CNTLN: variants seen among roughly 807,000 people sequenced by gnomAD.
CNTLN encodes centlein, also known as centlein, centrosomal protein.
A neutral mutation model predicts 180.0 loss-of-function variants in CNTLN; 212 were observed. That is an observed-to-expected ratio of 1.18 (90% CI 1.05 to 1.32). The LOEUF is 1.32. Among genes scored for constraint, CNTLN ranks in the 40% most tolerant of loss-of-function variants. The probability of loss-of-function intolerance (pLI) is 0.00; values close to 1 mark genes in which losing one functional copy is unlikely to be tolerated. For synonymous variants in CNTLN, 722 were observed against 563.1 expected, an observed-to-expected ratio of 1.28 and a Z score of -3.99; for missense variants, 2,095 against 1,610.9, an observed-to-expected ratio of 1.30 and a Z score of -5.14.
chr9:17,228,586 G>A (rs1269413263), intron 3 of CNTLN, among the ~76,000 whole-genome samples: 1 of 152,024 alleles, frequency 6.6e-6, no homozygotes, highest in African/African-American at 2.4e-5. Context: ...ATAGAAGTAA[G>A]GTGGAAATTG....
At chr9:17,526,168 C>G in the CNTLN span, among the ~76,000 whole-genome samples, 1 of 152,238 alleles carries the variant, frequency 6.6e-6, no homozygotes, top group African/African-American at 2.4e-5. Context: ...ATCTCCTGAC[C>G]TTGTGATCCA....
chr9:17,237,870 C>T (rs1460432529), intron 5 of CNTLN, among the ~76,000 whole-genome samples: 1 of 152,026 alleles, frequency 6.6e-6, no homozygotes, highest in African/African-American at 2.4e-5. Context: ...AGTGCACAAT[C>T]ATGGGGTGAC....
At chr9:17,442,478 A>C (rs1588004528) in intron 18 of CNTLN, among the ~76,000 whole-genome samples, 1 of 152,086 alleles carries the variant, frequency 6.6e-6, no homozygotes, top group Non-Finnish European at 1.5e-5. Flanking sequence ...AGCTCACTGC[A>C]CCCTGCACCT....
chr9:17,418,638 T>A (rs1564089635), intron 18 of CNTLN, among the ~76,000 whole-genome samples: 4 of 152,018 alleles, frequency 2.6e-5, no homozygotes. Flanking sequence ...CGGTAAATAT[T>A]CTAATTTAAT....
the CNTLN span, among the ~76,000 whole-genome samples, chr9:17,513,283 T>C: frequency 6.6e-6 from 1 of 152,168 alleles, no homozygotes; most frequent in African/African-American, 2.4e-5. Context: ...GAATACTTTT[T>C]TTTTTTAATC....
Position 17,466,687 on chromosome 9 carries a change from G to C in CNTLN, c.3670-19G>C. On this transcript the variant is annotated intron_variant, in intron 22 of 25. Transcript: ENST00000380647. ...GTTTATAAAATATCTTTTATTTTAT[G>C]ACTGCTGATCTTTTGCAGGATCTCA... 6.3e-7 allele frequency: 1 copy of C among 1,584,190 alleles called. No individual in the cohort carries two copies. The highest frequency in any genetic ancestry group is 8.6e-7 in the Non-Finnish European group (1 of 1,165,868).
Position 17,400,222 on chromosome 9 carries a change from C to T in CNTLN, c.2615+5153C>T, listed in dbSNP as rs191249391. On this transcript the variant is annotated intron_variant, in intron 15 of 25. Transcript: ENST00000380647. ...GCGTGGTCTCGGCTCACTGCAATCT[C>T]CATCTCCCAGGTTCAAGCGATTCTC... Among the ~76,000 whole-genome samples the T allele has an allele frequency of 7.8e-3, 1,187 of 152,250 alleles. 9 individuals are homozygous for T. The highest frequency in any genetic ancestry group is 0.013 in the Non-Finnish European group (901 of 68,018).
chr9:17,340,711 A>G, intron 10 of CNTLN, 116 bp from the exon 11 acceptor site: 1 of 758,100 alleles, frequency 1.3e-6, no homozygotes, highest in Non-Finnish European at 1.9e-6. Context: ...AGATTCATTT[A>G]TGTTTACACA....
intron 5 of CNTLN, among the ~76,000 whole-genome samples, chr9:17,258,168 A>C (rs1249182555): frequency 1.4e-5 from 2 of 146,222 alleles, no homozygotes; most frequent in Non-Finnish European, 3.0e-5. Flanking sequence ...GGTGTAAGGA[A>C]GGGATCCAGT....
intron 7 of CNTLN, chr9:17,301,370 G>A (rs1348224613): frequency 1.0e-6 from 1 of 985,136 alleles, no homozygotes; most frequent in Non-Finnish European, 1.2e-6. Flanking sequence ...GTAAATGATG[G>A]GGTTATGTTG....
intron 7 of CNTLN, chr9:17,299,800 T>G (rs892996843): frequency 1.1e-5 from 11 of 984,392 alleles, no homozygotes; most frequent in Non-Finnish European, 1.3e-5. Context: ...TTTCCCCCAT[T>G]GATGACTTTC....
intron 23 of CNTLN, among the ~76,000 whole-genome samples, chr9:17,472,628 T>G (rs1178753772): frequency 6.6e-6 from 1 of 152,118 alleles, no homozygotes; most frequent in Non-Finnish European, 1.5e-5. Context: ...TTACACTGAC[T>G]GGTAGATGCT....
At chr9:17,513,253 C>G in the CNTLN span, among the ~76,000 whole-genome samples, 4 of 151,120 alleles carry the variant, frequency 2.6e-5, no homozygotes, top group African/African-American at 9.7e-5. Context: ...GGCAAACTAT[C>G]TAGAAAATAA....
At position 17,135,105 on chromosome 9, in the gene CNTLN, C is replaced by G; in HGVS notation, c.40C>G (p.Pro14Ala). The G allele has an allele frequency of 6.2e-7, 1 of 1,605,930 alleles. No homozygotes were observed. The highest frequency in any genetic ancestry group is 1.1e-5 in the South Asian group (1 of 89,736). ...GCCTCCCTCACCGCACCCTTCGCCC[C>G]CAGCGCGACAGCTGGGCCCCAGGTC... Reference protein sequence around the residue: ...RSPPSPHPSPPARQLGPRSPR... With the variant: ...RSPPSPHPSPAARQLGPRSPR... The change falls in exon 1 of 26, where the codon CCA becomes GCA. Residue 14 changes from proline to alanine, a missense_variant. Transcript: ENST00000380647.
chr9:17,441,065 AC>A (rs1554721332), intron 18 of CNTLN, among the ~76,000 whole-genome samples: 1 of 3,294 alleles, frequency 3.0e-4, no homozygotes, highest in African/African-American at 9.9e-4. Context: ...AGAAGTGTAC[AC>A]CACCTTTAAA....
At chr9:17,233,315 A>G (rs181661571) in intron 3 of CNTLN, among the ~76,000 whole-genome samples, 77 of 152,264 alleles carry the variant, frequency 5.1e-4, no homozygotes, top group African/African-American at 1.5e-3. Context: ...GAATTTACTA[A>G]TATTTAAATA....
At chr9:17,245,514 G>A (rs1049905131) in intron 5 of CNTLN, among the ~76,000 whole-genome samples, 2 of 147,958 alleles carry the variant, frequency 1.4e-5, no homozygotes, top group Non-Finnish European at 3.0e-5. Context: ...TAAATACCTT[G>A]AGGTAGTTTT....
At chr9:17,304,853 C>T (rs550132393) in intron 7 of CNTLN, among the ~76,000 whole-genome samples, 1 of 152,084 alleles carries the variant, frequency 6.6e-6, no homozygotes, top group South Asian at 2.1e-4. Context: ...GGAGGATGTA[C>T]ATAGGTTATA....
At chr9:17,137,120 G>A (rs1296318673) in intron 1 of CNTLN, among the ~76,000 whole-genome samples, 1 of 152,136 alleles carries the variant, frequency 6.6e-6, no homozygotes, top group African/African-American at 2.4e-5. Flanking sequence ...ACATGGTGTT[G>A]GCTTTTGTGA....
Sources: gnomAD v4.1 joint callset for allele counts (sites outside exome capture counted in the v4.1 genomes callset) on GRCh38, gnomAD v4.1.1 for gene constraint, MANE v1.5 for transcripts, NCBI Gene and HGNC (gene_info 2026-07-23, HGNC 2026-07-21) for gene names.